ECPAS: variants seen among roughly 807,000 people sequenced by gnomAD.
ECPAS encodes the protein proteasome adapter and scaffold protein ECM29.
Under a neutral mutation model 255.1 loss-of-function variants are expected in ECPAS, and 70 were observed. The ratio of observed to expected loss-of-function variants is 0.27; its 90% CI spans 0.23 to 0.33. The LOEUF (loss-of-function observed/expected upper bound fraction) is 0.33. Among genes scored for constraint, ECPAS ranks in the 10% least tolerant of loss-of-function variants. The pLI is 1.00. For missense variants in ECPAS, 1,817 were observed against 2,206.4 expected (o/e 0.82, Z 3.54); for synonymous variants, 784 against 775.0 (o/e 1.01, Z -0.19).
intron 24 of ECPAS, among the ~76,000 whole-genome samples, chr9:111,400,490 G>A (rs1459310226): frequency 6.6e-6 from 1 of 151,014 alleles, no homozygotes; most frequent in Non-Finnish European, 1.5e-5. Flanking sequence ...TCTCAGACAG[G>A]GAATTCAAGA....
intron 5 of ECPAS, among the ~76,000 whole-genome samples, chr9:111,441,717 T>A (rs1228840338): frequency 2.6e-5 from 4 of 152,304 alleles, no homozygotes; most frequent in Non-Finnish European, 1.5e-5. Flanking sequence ...CTTGTAAACT[T>A]CTTCTGTATT....
Position 111,442,387 on chromosome 9 carries a change from C to A in ECPAS, c.308G>T (p.Arg103Leu). The change falls in exon 5 of 50, where the codon CGC becomes CTC. Residue 103 changes from arginine to leucine, a missense_variant. This residue lies in a region of ECPAS where 90 missense variants were observed against 158.5 expected (regional missense o/e 0.57). Transcript: ENST00000684092. ...TTCACATTGTTTTTCCACTGGTAGG[C>A]GAGGATAGCCCATTTTAACATAAAT... ...TIIYVKMGYPRLPVEKQCELA... is the reference protein window; with the variant it reads ...TIIYVKMGYPLLPVEKQCELA... The A allele has an allele frequency of 6.2e-7, 1 of 1,611,668 alleles. No individual in the cohort carries two copies. The highest frequency in any genetic ancestry group is 8.5e-7 in the Non-Finnish European group (1 of 1,178,678).
At chr9:111,412,774 A>G (rs1238277762) in intron 20 of ECPAS, among the ~76,000 whole-genome samples, 1 of 152,224 alleles carries the variant, frequency 6.6e-6, no homozygotes, top group Non-Finnish European at 1.5e-5. Flanking sequence ...AAGCAATTTC[A>G]TAAGACCAGA....
At chr9:111,430,457 A>T in intron 9 of ECPAS, 90 bp downstream of exon 9, 1 of 819,266 alleles carries the variant, frequency 1.2e-6, no homozygotes, top group Non-Finnish European at 2.1e-6. Context: ...GATTCAGCTT[A>T]AATGAAACTA....
At chr9:111,386,320 T>G in intron 32 of ECPAS, 57 bp downstream of exon 32, 3 of 1,131,154 alleles carry the variant, frequency 2.7e-6, no homozygotes, top group East Asian at 2.4e-5. Context: ...CCTAGAAATT[T>G]TGAAGGGAAA....
rs1326146502 is a variant in ECPAS, at chr9:111,472,933, T to C, written c.-15A>G. The C allele has an allele frequency of 2.6e-5, 32 of 1,250,050 alleles. No homozygotes were observed. Among genetic ancestry groups the C allele is most frequent in the Non-Finnish European group, 3.0e-5 (29 of 968,626 alleles). The allele number at this position is 1,250,050 out of a possible 1,614,324, so 77.4% of individuals were successfully genotyped here. On this transcript the variant is annotated 5_prime_UTR_variant, in exon 2 of 50. Coordinates refer to ENST00000684092, the MANE Select transcript of ECPAS (RefSeq NM_001364929.1). ...ATGTGATACATGGTTTATCCAATCT[T>C]GACAAAAATCCTCGGGATCACCAAT...
intron 2 of ECPAS, among the ~76,000 whole-genome samples, chr9:111,470,682 C>T (rs989414818): frequency 1.3e-5 from 2 of 151,066 alleles, no homozygotes; most frequent in Non-Finnish European, 2.9e-5. Flanking sequence ...CTACCCCTCC[C>T]TGATCATATT....
intron 2 of ECPAS, among the ~76,000 whole-genome samples, chr9:111,456,771 T>A (rs1201993068): frequency 6.6e-6 from 1 of 152,196 alleles, no homozygotes; most frequent in East Asian, 1.9e-4. Context: ...CCTATCTAGG[T>A]CACTCATTCA....
rs117603622 is a variant in ECPAS at position 111,451,078 on chromosome 9, T to A, written c.153+347A>T. ...TACTTTTAGTTAAGGTTATAATCAT[T>A]GTCAACAATTAACTAAAGAATATTT... On this transcript the variant is annotated intron_variant, in intron 3 of 49. Transcript: ENST00000684092. Among the ~76,000 whole-genome samples the A allele has an allele frequency of 7.1e-4, 108 of 152,338 alleles. 2 individuals are homozygous for A. The East Asian group carries it at 0.018, about 26-fold the overall frequency.
intron 38 of ECPAS, among the ~76,000 whole-genome samples, chr9:111,374,409 T>A (rs1406840272): frequency 1.3e-5 from 2 of 152,080 alleles, no homozygotes; most frequent in African/African-American, 4.8e-5. Context: ...TTTCAAAAAC[T>A]GAAAACAAAT....
At chr9:111,431,501 T>C (rs1302121624) in intron 8 of ECPAS, among the ~76,000 whole-genome samples, 1 of 147,086 alleles carries the variant, frequency 6.8e-6, no homozygotes. Context: ...GAGATTGCAG[T>C]GAGCCGAGAT....
intron 34 of ECPAS, among the ~76,000 whole-genome samples, chr9:111,383,753 T>C (rs964455337): frequency 1.3e-5 from 2 of 152,062 alleles, no homozygotes; most frequent in Admixed American, 6.5e-5. Flanking sequence ...AGACCCTGTC[T>C]CTACAAAAAG....
chr9:111,454,792 C>A (rs1420902322), intron 2 of ECPAS, among the ~76,000 whole-genome samples: 1 of 151,918 alleles, frequency 6.6e-6, no homozygotes, highest in Non-Finnish European at 1.5e-5. Context: ...TCACTGCAGC[C>A]TCAACCTCCT....
intron 2 of ECPAS, among the ~76,000 whole-genome samples, chr9:111,470,013 C>G (rs566213335): frequency 4.1e-4 from 63 of 152,226 alleles, no homozygotes; most frequent in African/African-American, 1.4e-3. Flanking sequence ...CAGAAAGAGA[C>G]AATCCATCAA....
chr9:111,374,121 T>A, intron 38 of ECPAS, 83 bp from the exon 39 acceptor site: 2 of 1,037,840 alleles, frequency 1.9e-6, no homozygotes, highest in Non-Finnish European at 3.0e-6. Flanking sequence ...TGCCAAAAAT[T>A]TAAACATATA....
chr9:111,434,985 A>G (rs1471075469), intron 7 of ECPAS, among the ~76,000 whole-genome samples: 1 of 122,712 alleles, frequency 8.1e-6, no homozygotes, highest in African/African-American at 3.3e-5. Context: ...GGCAACCCCC[A>G]CCTCCTGGGT....
chr9:111,409,985 A>G, intron 23 of ECPAS, 56 bp downstream of exon 23: 1 of 1,277,574 alleles, frequency 7.8e-7, no homozygotes, highest in Non-Finnish European at 1.1e-6. Flanking sequence ...GTTTTTGCTC[A>G]TGTATGCATA....
chr9:111,447,919 G>A (rs894158908), intron 3 of ECPAS, among the ~76,000 whole-genome samples: 1 of 152,074 alleles, frequency 6.6e-6, no homozygotes, highest in Non-Finnish European at 1.5e-5. Context: ...AGTGTTGACA[G>A]TTTGATAACG....
At position 111,378,729 on chromosome 9, in the gene ECPAS, T is replaced by C. The variant is rs191362574; in HGVS notation, c.3805A>G (p.Ile1269Val). The C allele has an allele frequency of 2.5e-6, 4 of 1,608,842 alleles. No individual in the cohort carries two copies. Among genetic ancestry groups the C allele is most frequent in the East Asian group, 4.5e-5 (2 of 44,758 alleles). The change falls in exon 36 of 50, where the codon ATT becomes GTT. Residue 1269 changes from isoleucine to valine, a missense_variant and splice_region_variant. By Grantham distance (29) the Ile-to-Val change is conservative (BLOSUM62 3). Transcript: ENST00000684092. ...STVTEVRALS[I>V]NTLVKISKSA... ...TTGCTGATCTTCACAAGGGTGTTAATGCTACAAACATATGGAACACAACTC... is the reference window on the plus strand; with the variant it reads ...TTGCTGATCTTCACAAGGGTGTTAACGCTACAAACATATGGAACACAACTC...
Sources: gnomAD v4.1 joint callset for allele counts (sites outside exome capture counted in the v4.1 genomes callset) on GRCh38, gnomAD v4.1.1 for gene constraint, gnomAD v4.1.1 regional missense constraint, MANE v1.5 for transcripts, NCBI Gene and HGNC (gene_info 2026-07-23, HGNC 2026-07-21) for gene names.